Variants in TLL1 observed in about 807,000 individuals in gnomAD.
TLL1 encodes the protein tolloid-like protein 1.
TLL1 carries 49 observed loss-of-function variants against 128.2 expected under a neutral mutation model. The ratio of observed to expected loss-of-function variants is 0.38; its 90% CI spans 0.30 to 0.48. The LOEUF (loss-of-function observed/expected upper bound fraction) is 0.48, where lower values mean the gene tolerates loss of function less well. Among genes scored for constraint, TLL1 ranks in the 20% least tolerant of loss-of-function variants. The probability of loss-of-function intolerance (pLI) is 0.96; values close to 1 mark genes in which losing one functional copy is unlikely to be tolerated. For synonymous variants in TLL1, 454 were observed against 418.8 expected (o/e 1.08, Z -1.03); for missense variants, 1,123 against 1,242.0 (o/e 0.90, Z 1.44).
At chr4:166,089,559 C>A (rs909172031) in intron 18 of TLL1, among the ~76,000 whole-genome samples, 1 of 152,134 alleles carries the variant, frequency 6.6e-6, no homozygotes, top group Non-Finnish European at 1.5e-5. Context: ...TTATCACCTG[C>A]TTTGCATGTT....
intron 1 of TLL1, among the ~76,000 whole-genome samples, chr4:165,983,268 T>C (rs907900851): frequency 6.6e-6 from 1 of 151,876 alleles, no homozygotes; most frequent in Middle Eastern, 3.2e-3. Flanking sequence ...TAAGTGCAGA[T>C]TGATATGATA....
At chr4:166,056,441 C>T (rs1245682136) in intron 13 of TLL1, among the ~76,000 whole-genome samples, 2 of 151,238 alleles carry the variant, frequency 1.3e-5, no homozygotes, top group African/African-American at 2.4e-5. Flanking sequence ...TACAATTATA[C>T]AGTATGTATA....
intron 1 of TLL1, among the ~76,000 whole-genome samples, chr4:165,957,716 TA>T (rs751150793): frequency 1.7e-4 from 24 of 143,846 alleles, no homozygotes; most frequent in East Asian, 7.9e-4. Context: ...TTTTTTTTTT[TA>T]AATTATTATT....
intron 1 of TLL1, among the ~76,000 whole-genome samples, chr4:165,901,252 C>T (rs1731969961): frequency 6.6e-6 from 1 of 152,142 alleles, no homozygotes; most frequent in East Asian, 1.9e-4. Flanking sequence ...ATTCATCAAA[C>T]TCATTCTCTG....
intron 1 of TLL1, among the ~76,000 whole-genome samples, chr4:165,956,443 T>C (rs919859584): frequency 1.3e-5 from 2 of 152,018 alleles, no homozygotes; most frequent in Admixed American, 6.6e-5. Context: ...TTTCCCAAGG[T>C]ATTAATGTTA....
intron 5 of TLL1, among the ~76,000 whole-genome samples, chr4:166,001,275 T>C (rs1055313193): frequency 6.6e-6 from 1 of 152,176 alleles, no homozygotes; most frequent in African/African-American, 2.4e-5. Context: ...ATTGATGTTA[T>C]TTTAATTTAA....
At position 166,057,263 on chromosome 4, in the gene TLL1, C is replaced by G; in HGVS notation, c.1800C>G (p.Ala600=). The G allele has an allele frequency of 6.2e-7, 1 of 1,613,956 alleles. No homozygotes were observed. The highest frequency in any genetic ancestry group is 8.5e-7 in the Non-Finnish European group (1 of 1,179,960). ...CLNTLGSYQC[A]CEPGYELGPD... ...ACACTCTGGGCAGTTACCAGTGTGC[C>G]TGTGAGCCTGGCTATGAGCTGGGCC... Residue 600 remains alanine, a synonymous_variant, in exon 14 of 21, where the codon GCC becomes GCG. Transcript: ENST00000061240.
At chr4:166,090,426 G>T (rs1171608764) in intron 18 of TLL1, among the ~76,000 whole-genome samples, 1 of 151,962 alleles carries the variant, frequency 6.6e-6, no homozygotes, top group Non-Finnish European at 1.5e-5. Flanking sequence ...TCACACAGAT[G>T]AAAATTACAA....
intron 17 of TLL1, among the ~76,000 whole-genome samples, chr4:166,075,557 G>A (rs927613791): frequency 3.3e-5 from 5 of 152,086 alleles, no homozygotes; most frequent in Non-Finnish European, 5.9e-5. Flanking sequence ...ACCAGATTTC[G>A]TCCCCAAGGC....
chr4:165,973,913 GC>G, intron 1 of TLL1, among the ~76,000 whole-genome samples: 1 of 152,146 alleles, frequency 6.6e-6, no homozygotes, highest in South Asian at 2.1e-4. Context: ...TGATCCACCT[GC>G]CTCGGCCTCC....
intron 1 of TLL1, among the ~76,000 whole-genome samples, chr4:165,892,218 AC>A (rs2110833633): frequency 6.6e-6 from 1 of 152,350 alleles, no homozygotes; most frequent in African/African-American, 2.4e-5. Context: ...CTGCAATGAC[AC>A]ATGGGGATTA....
chr4:166,031,117 A>T (rs935636830), intron 9 of TLL1, among the ~76,000 whole-genome samples: 2 of 152,130 alleles, frequency 1.3e-5, no homozygotes, highest in Admixed American at 1.3e-4. Flanking sequence ...TTCTGAAGGC[A>T]GTTTTCCCAA....
intron 1 of TLL1, among the ~76,000 whole-genome samples, chr4:165,970,338 C>T (rs941658359): frequency 2.6e-5 from 4 of 152,066 alleles, no homozygotes; most frequent in Non-Finnish European, 5.9e-5. Flanking sequence ...TAAACATAAA[C>T]ATTCACAGTG....
At chr4:166,073,621 C>G (rs1014279329) in intron 16 of TLL1, among the ~76,000 whole-genome samples, 1 of 151,994 alleles carries the variant, frequency 6.6e-6, no homozygotes, top group African/African-American at 2.4e-5. Context: ...ACTGAGATTG[C>G]CTGTATGTAT....
intron 12 of TLL1, among the ~76,000 whole-genome samples, chr4:166,045,414 G>T (rs1023985312): frequency 6.6e-6 from 1 of 152,084 alleles, no homozygotes; most frequent in African/African-American, 2.4e-5. Flanking sequence ...AAGCCCTGCA[G>T]CCAATCTATC....
intron 9 of TLL1, among the ~76,000 whole-genome samples, chr4:166,028,532 T>C (rs757110680): frequency 6.6e-6 from 1 of 152,044 alleles, no homozygotes; most frequent in Non-Finnish European, 1.5e-5. Flanking sequence ...GTGATGCTCA[T>C]AGATTCTCTA....
chr4:165,903,815 G>A (rs1195734154), intron 1 of TLL1, among the ~76,000 whole-genome samples: 1 of 151,756 alleles, frequency 6.6e-6, no homozygotes, highest in African/African-American at 2.4e-5. Context: ...GATCACAAGA[G>A]GTTTATGGCA....
intron 1 of TLL1, among the ~76,000 whole-genome samples, chr4:165,971,287 A>T (rs1735616561): frequency 6.6e-6 from 1 of 152,186 alleles, no homozygotes; most frequent in African/African-American, 2.4e-5. Flanking sequence ...AAGGACTCTA[A>T]GCCACTGCTT....
chr4:166,023,926 T>TA lies in TLL1; in HGVS notation c.1043-1389dup, dbSNP rs397879847. Among the ~76,000 whole-genome samples, 1,269 of 152,234 alleles carry TA rather than the reference T, an allele frequency of 8.3e-3. 21 individuals are homozygous for TA. The highest frequency in any genetic ancestry group is 0.029 in the African/African-American group (1,196 of 41,514). ...TTAATTATAGGTTTGGTTTTTTTTTTATAGAAACACACTCAACTCCCAAAT... is the reference window on the plus strand; with the variant it reads ...TTAATTATAGGTTTGGTTTTTTTTTTAATAGAAACACACTCAACTCCCAAAT... On this transcript the variant is annotated intron_variant, in intron 8 of 20. Transcript: ENST00000061240.
Sources: gnomAD v4.1 joint callset for allele counts (sites outside exome capture counted in the v4.1 genomes callset) on GRCh38, gnomAD v4.1.1 for gene constraint, MANE v1.5 for transcripts, NCBI Gene and HGNC (gene_info 2026-07-23, HGNC 2026-07-21) for gene names.